RANBP10: variants seen among roughly 807,000 people sequenced by gnomAD.
RANBP10 encodes ran-binding protein 10.
RANBP10 carries 24 observed loss-of-function variants against 72.8 expected under a neutral mutation model. That is an observed-to-expected ratio of 0.33 (90% CI 0.24 to 0.46). The LOEUF (loss-of-function observed/expected upper bound fraction) is 0.46. RANBP10 is among the 20% of genes least tolerant of loss of function. The pLI is 1.00. For synonymous variants in RANBP10, 310 were observed against 322.3 expected, an observed-to-expected ratio of 0.96 and a Z score of 0.41; for missense variants, 679 against 817.5, an observed-to-expected ratio of 0.83 and a Z score of 2.07.
intron 12 of RANBP10, 50 bp downstream of exon 12, chr16:67,727,701 C>T: frequency 1.2e-6 from 2 of 1,612,542 alleles, no homozygotes; most frequent in Non-Finnish European, 1.7e-6. Context: ...CCACCCTGCC[C>T]CCAACACCAA....
At chr16:67,770,888 G>A (rs983034228) in intron 3 of RANBP10, among the ~76,000 whole-genome samples, 1 of 152,212 alleles carries the variant, frequency 6.6e-6, no homozygotes, top group Non-Finnish European at 1.5e-5. Flanking sequence ...CCAGAAGGTT[G>A]AGAAGGTGGT....
intron 2 of RANBP10, among the ~76,000 whole-genome samples, chr16:67,775,592 C>T (rs2054689107): frequency 1.3e-5 from 2 of 151,848 alleles, no homozygotes; most frequent in Non-Finnish European, 2.9e-5. Flanking sequence ...GCAGGAAGAT[C>T]GCTTGAGCCC....
intron 2 of RANBP10, among the ~76,000 whole-genome samples, chr16:67,776,376 C>T (rs1437792947): frequency 1.4e-5 from 2 of 145,046 alleles, no homozygotes; most frequent in African/African-American, 5.2e-5. Context: ...GCAGGAGAAT[C>T]GCTTAAACCT....
At position 67,727,349 on chromosome 16, in the gene RANBP10, A is replaced by G. The variant is rs1444867173; in HGVS notation, c.1710T>C (p.Ala570=). Residue 570 remains alanine (A), a synonymous_variant, in exon 13 of 14, where the codon GCT becomes GCC. Coordinates refer to ENST00000317506, the MANE Select transcript of RANBP10 (RefSeq NM_020850.3). ...LDPIQREPVC[A]ALNSAILESQ... Reference sequence around the variant, plus strand: ...CACCTAAAATGGCGCTGTTGAGGGCAGCACACACAGGTTCCCTCTGGATGG... The same window carrying G: ...CACCTAAAATGGCGCTGTTGAGGGCGGCACACACAGGTTCCCTCTGGATGG... 3 of 1,613,278 alleles carry G rather than the reference A, an allele frequency of 1.9e-6. No homozygotes were observed. The highest frequency in any genetic ancestry group is 4.5e-5 in the East Asian group (2 of 44,880).
chr16:67,788,479 G>A (rs1225977298), intron 2 of RANBP10, among the ~76,000 whole-genome samples: 2 of 151,056 alleles, frequency 1.3e-5, no homozygotes, highest in Admixed American at 6.6e-5. Flanking sequence ...GGATGGTCTC[G>A]ATCTCCTGAC....
chr16:67,741,901 CAG>C (rs2053976789), intron 4 of RANBP10, among the ~76,000 whole-genome samples: 1 of 152,142 alleles, frequency 6.6e-6, no homozygotes, highest in Admixed American at 6.6e-5. Flanking sequence ...GAAAAGGAAA[CAG>C]AGACAGTAGA....
chr16:67,764,771 A>C (rs970328640), intron 3 of RANBP10, among the ~76,000 whole-genome samples: 1 of 152,210 alleles, frequency 6.6e-6, no homozygotes, highest in Non-Finnish European at 1.5e-5. Flanking sequence ...AGTAAGATTG[A>C]GGTTTCCCAT....
At chr16:67,782,925 A>T (rs1276091821) in intron 2 of RANBP10, among the ~76,000 whole-genome samples, 1 of 150,736 alleles carries the variant, frequency 6.6e-6, no homozygotes, top group Non-Finnish European at 1.5e-5. Context: ...CATACTGCAG[A>T]GGTTTTTGGC....
intron 2 of RANBP10, 134 bp from the exon 3 acceptor site, chr16:67,772,220 T>G (rs546534646): frequency 3.4e-6 from 3 of 894,550 alleles, no homozygotes; most frequent in South Asian, 1.9e-5. Flanking sequence ...TATAACATAC[T>G]AATGGTTCTT....
chr16:67,806,545 G>T lies in RANBP10; in HGVS notation c.-9C>A. 1.3e-6 allele frequency: 2 copies of T among 1,489,592 alleles called. No individual in the cohort carries two copies. The highest frequency in any genetic ancestry group is 1.8e-6 in the Non-Finnish European group (2 of 1,128,066). The allele number at this position is 1,489,592 out of a possible 1,614,324, so 92.3% of individuals were successfully genotyped here. ...GCCGTCGCTGCCGCCATCTTGGAGG[G>T]AGCTACTATTGTGTCACTGGGGGCG... is the stretch of plus-strand genomic sequence containing the variant. On this transcript the variant is annotated 5_prime_UTR_variant, in exon 1 of 14. Transcript: ENST00000317506.
At chr16:67,755,147 G>T (rs2054263889) in intron 3 of RANBP10, among the ~76,000 whole-genome samples, 2 of 151,894 alleles carry the variant, frequency 1.3e-5, no homozygotes, top group Non-Finnish European at 2.9e-5. Context: ...TTCCCATTAA[G>T]GGGGGGTCCA....
chr16:67,756,448 G>A (rs760796739), intron 3 of RANBP10, among the ~76,000 whole-genome samples: 4 of 152,214 alleles, frequency 2.6e-5, no homozygotes, highest in Non-Finnish European at 5.9e-5. Context: ...GAGGCCAGGC[G>A]CGGTGACTCA....
chr16:67,803,455 A>G (rs1451568227), intron 2 of RANBP10, among the ~76,000 whole-genome samples: 4 of 152,112 alleles, frequency 2.6e-5, no homozygotes, highest in Admixed American at 6.6e-5. Flanking sequence ...GTTTGAGACC[A>G]GCCTGACCAA....
intron 3 of RANBP10, among the ~76,000 whole-genome samples, chr16:67,763,118 G>A (rs2054429673): frequency 6.6e-6 from 1 of 152,170 alleles, no homozygotes; most frequent in African/African-American, 2.4e-5. Context: ...ATAGGAAAAT[G>A]AGGCTGAGCA....
At chr16:67,738,194 A>C (rs1026912003) in intron 4 of RANBP10, among the ~76,000 whole-genome samples, 159 bp from the exon 5 acceptor site, 1 of 152,196 alleles carries the variant, frequency 6.6e-6, no homozygotes, top group Admixed American at 6.5e-5. Flanking sequence ...GCTGGAGTGC[A>C]GTGGTACGAT....
At chr16:67,770,867 G>A (rs1401260835) in intron 3 of RANBP10, among the ~76,000 whole-genome samples, 2 of 152,190 alleles carry the variant, frequency 1.3e-5, no homozygotes, top group African/African-American at 2.4e-5. Flanking sequence ...GAGCCCAGAA[G>A]GTTGAGCCAA....
intron 2 of RANBP10, among the ~76,000 whole-genome samples, chr16:67,780,238 A>G (rs1434560703): frequency 6.6e-6 from 1 of 152,068 alleles, no homozygotes; most frequent in South Asian, 2.1e-4. Flanking sequence ...CTCAAAAAAC[A>G]AACAAACAAA....
Position 67,729,992 on chromosome 16 carries a change from T to C in RANBP10, c.944A>G (p.Gln315Arg). Residue 315 changes from glutamine (Q) to arginine (R), a missense_variant, in exon 8 of 14, where the codon CAG becomes CGG. Physicochemically the swap from Gln to Arg is conservative, Grantham distance 43 (BLOSUM62 1). Coordinates refer to ENST00000317506, the MANE Select transcript of RANBP10 (RefSeq NM_020850.3). This position sits in a 1 kb window ranked among gnomAD's most constrained non-coding sequence, Gnocchi z 7.1. ...GRVGEAIETT[Q>R]RFYPGLLEHN... ...CTCCAGCAGCCCTGGGTAGAAGCGC[T>C]GGGTGGTCTCGATGGCCTCGCCCAC... The C allele has an allele frequency of 6.2e-7, 1 of 1,613,582 alleles. No homozygotes were observed. Among genetic ancestry groups the C allele is most frequent in the Non-Finnish European group, 8.5e-7 (1 of 1,179,996 alleles).
intron 2 of RANBP10, among the ~76,000 whole-genome samples, chr16:67,796,507 A>C (rs2055137815): frequency 6.6e-6 from 1 of 152,150 alleles, no homozygotes; most frequent in Non-Finnish European, 1.5e-5. Flanking sequence ...AGTAGATTTC[A>C]TCTCATGATG....
Sources: allele counts gnomAD v4.1 joint callset (sites outside exome capture counted in the v4.1 genomes callset), GRCh38; gene constraint gnomAD v4.1.1; non-coding constraint Gnocchi (gnomAD v3.1); transcripts MANE v1.5; gene names NCBI Gene and HGNC (gene_info 2026-07-23, HGNC 2026-07-21).